The following PCDH11X variants were observed in gnomAD, a reference collection of about 807,000 sequenced individuals.
The protein encoded by PCDH11X is protocadherin 11 X-linked, also known as protocadherin-11 X-linked.
A neutral mutation model predicts 53.3 loss-of-function variants in PCDH11X; 18 were observed. The observed-to-expected ratio is 0.34, with a 90% confidence interval of 0.23 to 0.50. PCDH11X has a LOEUF of 0.50. PCDH11X is among the 20% of genes least tolerant of loss of function. PCDH11X has a pLI of 0.98. For missense variants in PCDH11X, 570 were observed against 1,032.4 expected, an observed-to-expected ratio of 0.55 and a Z score of 6.14; for synonymous variants, 279 against 393.3, an observed-to-expected ratio of 0.71 and a Z score of 3.44.
At chrX:92,467,410 TAAGC>T (rs931186052) in intron 9 of PCDH11X, among the ~76,000 whole-genome samples, 19 of 111,227 alleles carry the variant, frequency 1.7e-4, no homozygotes, top group African/African-American at 6.2e-4. Context: ...TGTTTATCTT[TAAGC>T]TTTTATCCAT....
chrX:91,932,671 AGTGTGTGTGT>A (rs67334455), intron 6 of PCDH11X, among the ~76,000 whole-genome samples: 17 of 94,636 alleles, frequency 1.8e-4, no homozygotes, highest in Non-Finnish European at 3.2e-4. Flanking sequence ...GCATTGTGTG[AGTGTGTGTGT>A]GTGTGTGTGT....
At chrX:92,207,534 A>G (rs1335154718) in intron 7 of PCDH11X, among the ~76,000 whole-genome samples, 1 of 111,521 alleles carries the variant, frequency 9.0e-6, no homozygotes, top group Non-Finnish European at 1.9e-5. Context: ...CCCTGCTTGT[A>G]AAAAAATTAT....
intron 7 of PCDH11X, among the ~76,000 whole-genome samples, chrX:92,226,202 A>C (rs777326058): frequency 8.9e-6 from 1 of 112,052 alleles, no homozygotes; most frequent in Non-Finnish European, 1.9e-5. Context: ...GATTTATTTG[A>C]TTATAGTTTT....
At chrX:92,171,534 A>C (rs1256704608) in intron 6 of PCDH11X, among the ~76,000 whole-genome samples, 2 of 111,007 alleles carry the variant, frequency 1.8e-5, no homozygotes, top group Admixed American at 9.6e-5. Context: ...ATCTCAGCTC[A>C]CTGTAACCTG....
At chrX:92,378,340 T>C (rs928240712) in intron 8 of PCDH11X, among the ~76,000 whole-genome samples, 5 of 108,956 alleles carry the variant, frequency 4.6e-5, no homozygotes, top group African/African-American at 1.0e-4. Context: ...AGAATAAAAA[T>C]TGTGAAATAA....
chrX:91,884,025 T>C (rs1356483539), intron 6 of PCDH11X: 1 of 402,303 alleles, frequency 2.5e-6, no homozygotes, highest in Non-Finnish European at 3.1e-6. Flanking sequence ...CCCCGTCTCT[T>C]CTGAAAAATA....
At chrX:92,390,016 G>A (rs1275293314) in intron 9 of PCDH11X, among the ~76,000 whole-genome samples, 1 of 110,502 alleles carries the variant, frequency 9.0e-6, no homozygotes, top group Non-Finnish European at 1.9e-5. Flanking sequence ...AAATCTAGAT[G>A]TCTGTGGGCA....
intron 8 of PCDH11X, among the ~76,000 whole-genome samples, chrX:92,289,835 T>C (rs185996332): frequency 5.9e-4 from 66 of 111,373 alleles, no homozygotes; most frequent in Admixed American, 5.4e-3. Context: ...ATAATTTTCA[T>C]ATGAATAATT....
In PCDH11X at chrX:91,903,935, C is replaced by T. The variant is rs1006043156; in HGVS notation, c.3033+24662C>T. On this transcript the variant is annotated intron_variant, in intron 6 of 10. Transcript: ENST00000682573. ...ATCAAGTAGAGTATATTTTCTACAA[C>T]GACTCCAAAATTGAAGGCAGTTGAC... Among the ~76,000 whole-genome samples, 65 of 109,401 alleles carry T rather than the reference C, an allele frequency of 5.9e-4. 2 individuals are homozygous for T. Among genetic ancestry groups the T allele is most frequent in the Non-Finnish European group, 2.5e-4 (13 of 52,629 alleles).
chrX:92,518,749 T>C (rs1268737229), intron 10 of PCDH11X, among the ~76,000 whole-genome samples: 1 of 12,334 alleles, frequency 8.1e-5, no homozygotes, highest in African/African-American at 3.6e-4. Context: ...ACCAATAAAA[T>C]TTTTTTTTTT....
chrX:92,489,894 A>G (rs905402662), intron 10 of PCDH11X, among the ~76,000 whole-genome samples: 1 of 101,344 alleles, frequency 9.9e-6, no homozygotes, highest in African/African-American at 3.6e-5. Context: ...CCCAACAAAT[A>G]ATTAATTCTG....
intron 6 of PCDH11X, among the ~76,000 whole-genome samples, chrX:92,063,919 G>C (rs1240892001): frequency 1.9e-5 from 2 of 106,588 alleles, no homozygotes; most frequent in Non-Finnish European, 3.9e-5. Context: ...GGAATCTGCT[G>C]TGCTGGAGGG....
At chrX:92,208,537 A>ATATATATATATATATATATATAT in intron 7 of PCDH11X, among the ~76,000 whole-genome samples, 1 of 78,408 alleles carries the variant, frequency 1.3e-5, no homozygotes, top group Non-Finnish European at 2.4e-5. Flanking sequence ...ATATATATAT[A>ATATATATATATATATATATATAT]CAATTTTTTT....
chrX:92,087,565 A>C (rs963513018), intron 6 of PCDH11X, among the ~76,000 whole-genome samples: 1 of 111,649 alleles, frequency 9.0e-6, no homozygotes, highest in East Asian at 2.8e-4. Flanking sequence ...GTGCTGGATG[A>C]ATGCCTCAAG....
At chrX:92,142,370 G>GCACACACA (rs201418320) in intron 6 of PCDH11X, among the ~76,000 whole-genome samples, 1,059 of 95,565 alleles carry the variant, frequency 0.011, 17 homozygotes, top group African/African-American at 0.04. Flanking sequence ...GTGCGCGCGC[G>GCACACACA]CACACACACA....
At chrX:92,102,565 A>T (rs1228275210) in intron 6 of PCDH11X, among the ~76,000 whole-genome samples, 1 of 111,824 alleles carries the variant, frequency 8.9e-6, no homozygotes, top group Admixed American at 9.5e-5. Context: ...ACAGATGAGG[A>T]TGAAATTTGG....
At position 92,445,192 on chromosome X, in the gene PCDH11X, C is replaced by CTTTTTTT. The variant is rs778466088; in HGVS notation, c.3344-23088_3344-23082dup. Among the ~76,000 whole-genome samples the CTTTTTTT allele has an allele frequency of 4.4e-3, 72 of 16,512 alleles. 1 individual carries two copies. The highest frequency in any genetic ancestry group is 5.4e-3 in the African/African-American group (25 of 4,597). The allele number at this position is 16,512 out of a possible 115,157, so 14.3% of individuals were successfully genotyped here. A position where few individuals can be genotyped will look rare whatever the true frequency, so the allele number is the denominator to read the frequency against. On this transcript the variant is annotated intron_variant, in intron 9 of 10. Coordinates refer to ENST00000682573, the MANE Select transcript of PCDH11X (RefSeq NM_032968.5). ...AACTGTGAATCCATTTGGTCCAGGGCTTTTTTTTTTTTTTTTTTTTTTTTT... is the reference window on the plus strand; with the variant it reads ...AACTGTGAATCCATTTGGTCCAGGGCTTTTTTTTTTTTTTTTTTTTTTTTTTTTTTTT...
chrX:92,452,463 G>GTGTA lies in PCDH11X; in HGVS notation c.3344-15835_3344-15834insGTAT, dbSNP rs1415846958. On this transcript the variant is annotated intron_variant, in intron 9 of 10. Coordinates refer to ENST00000682573, the MANE Select transcript of PCDH11X (RefSeq NM_032968.5). ...TTGTATAATATAGATGTGTGTGTGTGTATATATATATATATATATATATAT... is the reference window on the plus strand; with the variant it reads ...TTGTATAATATAGATGTGTGTGTGTGTGTATATATATATATATATATATATATAT... Among the ~76,000 whole-genome samples the GTGTA allele has an allele frequency of 5.4e-3, 242 of 44,691 alleles. 3 individuals are homozygous for GTGTA. Among genetic ancestry groups the GTGTA allele is most frequent in the African/African-American group, 0.021 (224 of 10,590 alleles). 38.8% of individuals were successfully genotyped at this position (44,691 alleles called of 115,157 possible).
At chrX:92,615,288 C>T (rs1927843507) in intron 10 of PCDH11X, among the ~76,000 whole-genome samples, 1 of 110,899 alleles carries the variant, frequency 9.0e-6, no homozygotes, top group Non-Finnish European at 1.9e-5. Flanking sequence ...AGTGGGGCAA[C>T]TCAGATTGCT....
Sources: gnomAD v4.1 joint callset for allele counts (sites outside exome capture counted in the v4.1 genomes callset) on GRCh38, gnomAD v4.1.1 for gene constraint, MANE v1.5 for transcripts, NCBI Gene and HGNC (gene_info 2026-07-23, HGNC 2026-07-21) for gene names.